The following SUMF1 variants were observed in gnomAD, a reference collection of about 807,000 sequenced individuals.
The protein encoded by SUMF1 is formylglycine-generating enzyme.
Under a neutral mutation model 47.6 loss-of-function variants are expected in SUMF1, and 48 were observed. The ratio of observed to expected loss-of-function variants is 1.01; its 90% CI spans 0.80 to 1.28. The LOEUF (loss-of-function observed/expected upper bound fraction) is 1.28, where lower values mean the gene tolerates loss of function less well. Among genes scored for constraint, SUMF1 ranks in the 50% most tolerant of loss-of-function variants. The pLI is 0.00. For missense variants in SUMF1, 571 were observed against 485.4 expected (o/e 1.18, Z -1.66); for synonymous variants, 230 against 192.1 (o/e 1.20, Z -1.63).
chr3:4,092,704 G>T (rs1559464044), intron 8 of SUMF1, among the ~76,000 whole-genome samples: 1 of 152,086 alleles, frequency 6.6e-6, no homozygotes, highest in Admixed American at 6.5e-5. Context: ...CAGAACTGTA[G>T]TGTGTGTGTA....
chr3:4,313,222 A>G, intron 8 of SUMF1: 5 of 1,613,982 alleles, frequency 3.1e-6, no homozygotes, highest in Non-Finnish European at 4.2e-6. Flanking sequence ...ATTTATACCG[A>G]AAGGAAGGTT....
At chr3:4,238,338 T>C (rs949111314) in intron 8 of SUMF1, among the ~76,000 whole-genome samples, 1 of 152,188 alleles carries the variant, frequency 6.6e-6, no homozygotes, top group African/African-American at 2.4e-5. Flanking sequence ...TCTAGATCCT[T>C]GAGGAATTGC....
At chr3:4,158,836 C>A (rs1694511162) in intron 8 of SUMF1, among the ~76,000 whole-genome samples, 1 of 151,444 alleles carries the variant, frequency 6.6e-6, no homozygotes, top group South Asian at 2.1e-4. Context: ...CACAGAGTAT[C>A]CTTTTCCATC....
chr3:4,401,180 T>C (rs139736571), intron 7 of SUMF1, among the ~76,000 whole-genome samples: 2,295 of 152,244 alleles, frequency 0.015, 51 homozygotes, highest in African/African-American at 0.052. Context: ...TTCCATGGTG[T>C]ATATGTGCCA....
At chr3:4,138,520 C>T (rs1693997065) in intron 8 of SUMF1, among the ~76,000 whole-genome samples, 1 of 151,930 alleles carries the variant, frequency 6.6e-6, no homozygotes, top group Non-Finnish European at 1.5e-5. Context: ...AAAAATCAGC[C>T]ACATGGACAG....
intron 8 of SUMF1, among the ~76,000 whole-genome samples, chr3:4,242,008 C>T (rs926052500): frequency 4.6e-5 from 7 of 152,084 alleles, no homozygotes; most frequent in African/African-American, 1.7e-4. Context: ...CTACTGCACA[C>T]GTGCTTGGAA....
rs539223925 is a variant in SUMF1 at position 4,249,237 on chromosome 3, C to A, written c.1014+127093G>T. On this transcript the variant is annotated intron_variant and NMD_transcript_variant, in intron 8 of 12. Transcript: ENST00000448413. ...AGTCTGCTATGAACTATGCATTCTA[C>A]TGAGTGCCAAAACCAAATATAATAT... Among the ~76,000 whole-genome samples, 4 of 152,348 alleles carry A rather than the reference C, an allele frequency of 2.6e-5. No individual in the cohort carries two copies. The East Asian group carries it at 7.7e-4, about 29-fold the overall frequency.
At chr3:4,449,576 C>T (rs1702900437) in intron 2 of SUMF1, among the ~76,000 whole-genome samples, 1 of 152,288 alleles carries the variant, frequency 6.6e-6, no homozygotes, top group Non-Finnish European at 1.5e-5. Flanking sequence ...AGAATGCAGA[C>T]TGAACAAGAT....
chr3:4,119,651 T>A (rs10510290), intron 8 of SUMF1, among the ~76,000 whole-genome samples: 4,449 of 152,144 alleles, frequency 0.029, 249 homozygotes, highest in African/African-American at 0.1. Context: ...TGTGTTGTTA[T>A]CTCCTGCAGC....
At chr3:4,449,379 G>T in intron 2 of SUMF1, 39 bp from the exon 3 acceptor site, 1 of 1,596,586 alleles carries the variant, frequency 6.3e-7, no homozygotes, top group Non-Finnish European at 8.6e-7. Context: ...AGAAAAGGTT[G>T]TAGTAATGTG....
chr3:4,207,143 ATTG>A (rs1695671000), intron 8 of SUMF1, among the ~76,000 whole-genome samples: 1 of 151,884 alleles, frequency 6.6e-6, no homozygotes, highest in Admixed American at 6.6e-5. Flanking sequence ...TTATTTTTAG[ATTG>A]TTGATTGCTA....
At chr3:4,229,397 C>G in intron 8 of SUMF1, 1 of 377,776 alleles carries the variant, frequency 2.6e-6, no homozygotes, top group South Asian at 2.0e-5. Flanking sequence ...ACCACAAGAG[C>G]ATGTCTTAGC....
chr3:4,117,887 G>C (rs1693457608), intron 8 of SUMF1, among the ~76,000 whole-genome samples: 1 of 151,924 alleles, frequency 6.6e-6, no homozygotes, highest in Non-Finnish European at 1.5e-5. Context: ...CGGCATGACA[G>C]CTAGGCCTTT....
chr3:4,098,585 G>A (rs956668304), intron 8 of SUMF1, among the ~76,000 whole-genome samples: 70 of 152,244 alleles, frequency 4.6e-4, no homozygotes, highest in African/African-American at 1.6e-3. Flanking sequence ...AAAGCTTTCT[G>A]AGTCTCTAGA....
chr3:4,212,406 C>G (rs1343571908), intron 8 of SUMF1, among the ~76,000 whole-genome samples: 1 of 152,020 alleles, frequency 6.6e-6, no homozygotes, highest in Admixed American at 6.6e-5. Flanking sequence ...CCCTATCCGA[C>G]GGTCACCAAC....
intron 8 of SUMF1, among the ~76,000 whole-genome samples, chr3:4,352,243 C>T (rs1559238478): frequency 6.6e-6 from 1 of 152,142 alleles, no homozygotes; most frequent in Non-Finnish European, 1.5e-5. Flanking sequence ...CCTGGGGCAT[C>T]TTGAGTCCTA....
intron 8 of SUMF1, among the ~76,000 whole-genome samples, chr3:4,349,005 T>C (rs1699431793): frequency 1.3e-5 from 2 of 152,166 alleles, no homozygotes; most frequent in Admixed American, 1.3e-4. Flanking sequence ...ACAAATGGAA[T>C]CTAATTAAAC....
Position 4,294,604 on chromosome 3 carries a change from C to T in SUMF1, c.1014+81726G>A, listed in dbSNP as rs544256013. Among the ~76,000 whole-genome samples the T allele has an allele frequency of 2.0e-5, 3 of 152,260 alleles. No homozygotes were observed. In the East Asian group the frequency reaches 5.8e-4, roughly 29 times the overall value. On this transcript the variant is annotated intron_variant and NMD_transcript_variant, in intron 8 of 12. Transcript: ENST00000448413. ...CAAGAACCTGTCTCAACAACAACAA[C>T]AACAAATGTTAATTTGGTGTGTCTG... is the stretch of plus-strand genomic sequence containing the variant.
chr3:4,222,209 A>G (rs1696082285), intron 8 of SUMF1, among the ~76,000 whole-genome samples: 1 of 152,080 alleles, frequency 6.6e-6, no homozygotes, highest in South Asian at 2.1e-4. Context: ...TTTAAAAATT[A>G]TCCAAGATTT....
Sources: gnomAD v4.1 joint callset for allele counts (sites outside exome capture counted in the v4.1 genomes callset) on GRCh38, gnomAD v4.1.1 for gene constraint, MANE v1.5 for transcripts, NCBI Gene and HGNC (gene_info 2026-07-23, HGNC 2026-07-21) for gene names.